NECTIN3: variants seen among roughly 807,000 people sequenced by gnomAD.
NECTIN3 encodes nectin-3.
In NECTIN3, 8 loss-of-function variants were observed where a neutral mutation model predicts 49.4. The ratio of observed to expected loss-of-function variants is 0.16; its 90% CI spans 0.10 to 0.29. The LOEUF is 0.29. Ranked by LOEUF, NECTIN3 falls within the 10% of genes least tolerant of loss-of-function variation. The probability of loss-of-function intolerance (pLI) is 1.00; values close to 1 mark genes in which losing one functional copy is unlikely to be tolerated. For missense variants in NECTIN3, 581 were observed against 654.6 expected (o/e 0.89, Z 1.23); for synonymous variants, 277 against 241.1 (o/e 1.15, Z -1.38).
At position 111,071,933 on chromosome 3, in the gene NECTIN3, C is replaced by A; in HGVS notation, c.-85C>A. Reference sequence around the variant, plus strand: ...GCTGGGGACGCGCGCGCCGGACCTTCCACAGCCTCCGCCCAGAGCCTGAGG... The same window carrying A: ...GCTGGGGACGCGCGCGCCGGACCTTACACAGCCTCCGCCCAGAGCCTGAGG... On this transcript the variant is annotated 5_prime_UTR_variant, in exon 1 of 6. Transcript: ENST00000485303. 7 of 1,022,394 alleles carry A rather than the reference C, an allele frequency of 6.8e-6. No individual in the cohort carries two copies. In the South Asian group the frequency reaches 1.5e-4, roughly 22 times the overall value. The allele number at this position is 1,022,394 out of a possible 1,614,324, so 63.3% of individuals were successfully genotyped here.
chr3:111,171,665 A>T (rs1182737203), intron 7 of NECTIN3, among the ~76,000 whole-genome samples: 1 of 152,068 alleles, frequency 6.6e-6, no homozygotes, highest in Non-Finnish European at 1.5e-5. Flanking sequence ...ACCTATTTAT[A>T]GAGATATTAT....
downstream of NECTIN3, among the ~76,000 whole-genome samples, chr3:111,139,614 A>G (rs533724732): frequency 5.9e-5 from 9 of 151,794 alleles, no homozygotes; most frequent in South Asian, 2.1e-4. Flanking sequence ...GCCTAGATCT[A>G]TTAACCCTGT....
At chr3:111,112,490 A>C (rs1019396003) in intron 2 of NECTIN3, 119 bp downstream of exon 2, 7 of 694,464 alleles carry the variant, frequency 1.0e-5, no homozygotes, top group Non-Finnish European at 6.8e-6. Flanking sequence ...AAAATAATTC[A>C]AATACGATTT....
intron 3 of NECTIN3, among the ~76,000 whole-genome samples, chr3:111,121,689 A>G (rs1488124875): frequency 1.3e-5 from 2 of 152,202 alleles, no homozygotes; most frequent in Non-Finnish European, 2.9e-5. Context: ...CTTTTAGATT[A>G]AATATCTCAT....
At chr3:111,154,684 A>T (rs1232100435) in intron 7 of NECTIN3, among the ~76,000 whole-genome samples, 1 of 152,152 alleles carries the variant, frequency 6.6e-6, no homozygotes, top group Non-Finnish European at 1.5e-5. Flanking sequence ...AGATATTCTA[A>T]TAGTTGTGTG....
rs2034551601 is a variant in NECTIN3 at position 111,135,681 on chromosome 3, G to A, written c.*1466G>A. 1 of 959,862 alleles carries A rather than the reference G, an allele frequency of 1.0e-6. No individual in the cohort carries two copies. The allele number at this position is 959,862 out of a possible 1,614,324, so 59.5% of individuals were successfully genotyped here. ...TGTTAATAAAAAGGCAAAGTAGTAG[G>A]TACTTTTTAAACCCTCCCAACCAGC... On this transcript the variant is annotated 3_prime_UTR_variant, in exon 6 of 6. Transcript: ENST00000485303.
downstream of NECTIN3, among the ~76,000 whole-genome samples, chr3:111,137,769 C>CTTTT (rs3081495): frequency 1.5e-4 from 15 of 100,022 alleles, no homozygotes; most frequent in East Asian, 5.3e-4. Flanking sequence ...AAATTTTTTC[C>CTTTT]TTTTTTTTTT....
At chr3:111,184,426 C>G (rs1461902531) in intron 7 of NECTIN3, among the ~76,000 whole-genome samples, 1 of 152,158 alleles carries the variant, frequency 6.6e-6, no homozygotes, top group African/African-American at 2.4e-5. Context: ...TATCTCGAGA[C>G]TCCAGCCCCA....
rs1367141522 is a variant in NECTIN3 at position 111,134,074 on chromosome 3, G to A, written c.1509G>A (p.Arg503=). Residue 503 remains arginine, a synonymous_variant, in exon 6 of 6, where the codon AGG becomes AGA. Transcript: ENST00000485303. ...GGAACAATGTAGAAAATCTCAATAGGTTTGAAAGACCAATGGATTATTATG... is the reference window on the plus strand; with the variant it reads ...GGAACAATGTAGAAAATCTCAATAGATTTGAAAGACCAATGGATTATTATG... ...TQWNNVENLN[R]FERPMDYYED... The A allele has an allele frequency of 1.2e-6, 2 of 1,613,602 alleles. No individual in the cohort carries two copies. Among genetic ancestry groups the A allele is most frequent in the Admixed American group, 1.7e-5 (1 of 59,958 alleles).
intron 1 of NECTIN3, among the ~76,000 whole-genome samples, chr3:111,100,280 C>G (rs2032827170): frequency 6.6e-6 from 1 of 152,020 alleles, no homozygotes; most frequent in Non-Finnish European, 1.5e-5. Flanking sequence ...AGCGCCAGTT[C>G]CTTACATTGT....
At position 111,148,672 on chromosome 3, in the gene NECTIN3, C is replaced by T. The variant is rs562053296; in HGVS notation, c.1221+1188C>T. Among the ~76,000 whole-genome samples the T allele has an allele frequency of 1.3e-4, 19 of 151,982 alleles. 1 individual carries two copies. The highest frequency in any genetic ancestry group is 9.8e-4 in the Admixed American group (15 of 15,232). On this transcript the variant is annotated intron_variant, in intron 7 of 8. Coordinates refer to the NECTIN3 transcript ENST00000493615. ...ATGAAGTTGATCTGCTTTTCATGAT[C>T]GATTGGTTATAGGTATTAATAGTTC...
intron 6 of NECTIN3, among the ~76,000 whole-genome samples, chr3:111,146,180 A>C (rs1047164860): frequency 2.0e-5 from 3 of 152,120 alleles, no homozygotes; most frequent in Non-Finnish European, 4.4e-5. Flanking sequence ...CACGCCTGTA[A>C]TCCCAGCACT....
intron 1 of NECTIN3, among the ~76,000 whole-genome samples, chr3:111,108,185 T>C (rs1393573136): frequency 2.6e-5 from 4 of 151,674 alleles, no homozygotes; most frequent in African/African-American, 9.7e-5. Context: ...ATTTGTTTAC[T>C]AGTAAAGCCA....
chr3:111,161,486 A>T (rs1330742909), intron 7 of NECTIN3, among the ~76,000 whole-genome samples: 3 of 152,172 alleles, frequency 2.0e-5, no homozygotes. Flanking sequence ...GTCACAGACC[A>T]GTATTGGTCT....
In NECTIN3 at chr3:111,112,291, C is replaced by G; in HGVS notation, c.422C>G (p.Ser141Cys). ...ATTACTCTGCATAACATAGGATTCTCTGATTCTGGAAAATACATCTGCAAA... is the reference window on the plus strand; with the variant it reads ...ATTACTCTGCATAACATAGGATTCTGTGATTCTGGAAAATACATCTGCAAA... Reference protein sequence around the residue: ...ATITLHNIGFSDSGKYICKAV... With the variant: ...ATITLHNIGFCDSGKYICKAV... Residue 141 changes from serine to cysteine, a missense_variant, in exon 2 of 6, where the codon TCT becomes TGT. Physicochemically the swap from Ser to Cys is moderately radical, Grantham distance 112 (BLOSUM62 -1). Around this residue, in one of 3 missense-constraint regions of NECTIN3, gnomAD observed 234 missense variants for 340.6 expected, o/e 0.69. Transcript: ENST00000485303. 2 of 1,613,812 alleles carry G rather than the reference C, an allele frequency of 1.2e-6. No individual in the cohort carries two copies. The highest frequency in any genetic ancestry group is 1.7e-6 in the Non-Finnish European group (2 of 1,179,844).
At chr3:111,132,799 T>G (rs2034441451) in intron 5 of NECTIN3, among the ~76,000 whole-genome samples, 1 of 151,902 alleles carries the variant, frequency 6.6e-6, no homozygotes, top group Admixed American at 6.6e-5. Flanking sequence ...ATTTTGCAGA[T>G]ATAGTTGAAG....
intron 7 of NECTIN3, among the ~76,000 whole-genome samples, chr3:111,179,827 C>T (rs1576183431): frequency 6.6e-6 from 1 of 150,806 alleles, no homozygotes; most frequent in East Asian, 2.0e-4. Context: ...TGGGAGACAG[C>T]TTGCAGTGAG....
chr3:111,175,051 G>A (rs2035502377), intron 7 of NECTIN3, among the ~76,000 whole-genome samples: 1 of 151,996 alleles, frequency 6.6e-6, no homozygotes, highest in South Asian at 2.1e-4. Context: ...GATGGAGTGG[G>A]AAGATGATCT....
chr3:111,152,959 G>A (rs1404825189), intron 7 of NECTIN3, among the ~76,000 whole-genome samples: 2 of 151,810 alleles, frequency 1.3e-5, no homozygotes, highest in African/African-American at 4.8e-5. Flanking sequence ...AATCATTGAT[G>A]GTCTTATTTT....
Sources: allele counts gnomAD v4.1 joint callset (sites outside exome capture counted in the v4.1 genomes callset), GRCh38; gene constraint gnomAD v4.1.1; regional missense constraint gnomAD v4.1.1; transcripts MANE v1.5; gene names NCBI Gene and HGNC (gene_info 2026-07-23, HGNC 2026-07-21).